The following MAGI2 variants were observed in gnomAD, a reference collection of about 807,000 sequenced individuals.
MAGI2 encodes membrane associated guanylate kinase, WW and PDZ domain containing 2.
Under a neutral mutation model 133.3 loss-of-function variants are expected in MAGI2, and 35 were observed. That is an observed-to-expected ratio of 0.26 (90% CI 0.20 to 0.35). MAGI2 has a LOEUF of 0.35. Among genes scored for constraint, MAGI2 ranks in the 10% least tolerant of loss-of-function variants. MAGI2 has a pLI of 1.00. For synonymous variants in MAGI2, 729 were observed against 710.6 expected (o/e 1.03, Z -0.41); for missense variants, 1,636 against 1,863.4 (o/e 0.88, Z 2.25).
chr7:78,856,484 C>T (rs911236185), intron 2 of MAGI2, among the ~76,000 whole-genome samples: 8 of 152,088 alleles, frequency 5.3e-5, no homozygotes, highest in African/African-American at 1.2e-4. Flanking sequence ...AGCCAGTTTC[C>T]CCAGCACCAT....
At position 78,927,169 on chromosome 7, in the gene MAGI2, A is replaced by T. The variant is rs144669704; in HGVS notation, c.418+79921T>A. 2.6e-3 allele frequency among the ~76,000 whole-genome samples: 388 copies of T among 152,136 alleles called. 3 individuals carry two copies. The highest frequency in any genetic ancestry group is 9.0e-3 in the African/African-American group (375 of 41,558). On this transcript the variant is annotated intron_variant, in intron 2 of 21. Coordinates refer to ENST00000354212, the MANE Select transcript of MAGI2 (RefSeq NM_012301.4). ...ACTGAAGTTGGGCATCAGGAAACCTAGAGTCTGGTGTCTGTCTCCCAGAAA... is the reference window on the plus strand; with the variant it reads ...ACTGAAGTTGGGCATCAGGAAACCTTGAGTCTGGTGTCTGTCTCCCAGAAA...
intron 16 of MAGI2, among the ~76,000 whole-genome samples, chr7:78,147,730 C>A (rs373297734): frequency 6.6e-6 from 1 of 151,696 alleles, no homozygotes; most frequent in Non-Finnish European, 1.5e-5. Flanking sequence ...TAGAGAAAAA[C>A]GCAAACTAAA....
intron 10 of MAGI2, among the ~76,000 whole-genome samples, chr7:78,218,886 C>G (rs1788526737): frequency 6.6e-6 from 1 of 152,226 alleles, no homozygotes; most frequent in Non-Finnish European, 1.5e-5. Flanking sequence ...CCAACAGCGC[C>G]TCTTCACAGC....
At chr7:79,029,729 A>G (rs1810378681) in intron 1 of MAGI2, among the ~76,000 whole-genome samples, 1 of 152,122 alleles carries the variant, frequency 6.6e-6, no homozygotes, top group Non-Finnish European at 1.5e-5. Context: ...CAAAGTTTTA[A>G]AATATTTATT....
chr7:78,074,915 G>A (rs1815111824), intron 21 of MAGI2, among the ~76,000 whole-genome samples: 1 of 152,236 alleles, frequency 6.6e-6, no homozygotes, highest in Non-Finnish European at 1.5e-5. Flanking sequence ...GCAGGCCTGA[G>A]ACTGCTCTCC....
At chr7:79,147,796 G>C (rs749424123) in intron 1 of MAGI2, among the ~76,000 whole-genome samples, 2 of 152,116 alleles carry the variant, frequency 1.3e-5, no homozygotes, top group Admixed American at 6.5e-5. Flanking sequence ...TGCAAAGCAT[G>C]AGGGTGGCAG....
intron 2 of MAGI2, among the ~76,000 whole-genome samples, chr7:78,738,526 T>A (rs1301313002): frequency 6.6e-6 from 1 of 152,174 alleles, no homozygotes; most frequent in Non-Finnish European, 1.5e-5. Context: ...TGCTAACAAA[T>A]CATTAGTCTT....
In MAGI2 at chr7:78,875,650, C is replaced by A. The variant is rs141118050; in HGVS notation, c.418+131440G>T. 2.3e-3 allele frequency among the ~76,000 whole-genome samples: 351 copies of A among 152,190 alleles called. 6 individuals are homozygous for A. The East Asian group carries it at 0.045, about 20-fold the overall frequency. ...AATGACAAAACAGCACATATTGCCA[C>A]TATATTATATAAAATGACCAATTTC... On this transcript the variant is annotated intron_variant, in intron 2 of 21. Transcript: ENST00000354212.
intron 5 of MAGI2, among the ~76,000 whole-genome samples, chr7:78,491,390 G>A (rs1453065921): frequency 2.6e-5 from 4 of 152,060 alleles, no homozygotes; most frequent in Admixed American, 2.0e-4. Flanking sequence ...CGACCCTTGG[G>A]TCATGAAGTT....
At chr7:78,057,977 G>GTATGTATATATATA (rs1812776156) in intron 21 of MAGI2, among the ~76,000 whole-genome samples, 2 of 106,610 alleles carry the variant, frequency 1.9e-5, no homozygotes, top group African/African-American at 6.7e-5. Flanking sequence ...ATATATATGT[G>GTATGTATATATATA]TATATATATA....
intron 6 of MAGI2, among the ~76,000 whole-genome samples, chr7:78,435,679 G>A (rs6943666): frequency 0.025 from 3,836 of 152,142 alleles, 62 homozygotes; most frequent in South Asian, 0.074. Context: ...AGAGAATCCC[G>A]AGAAAGGCTC....
chr7:78,563,659 A>C (rs1415461086), intron 3 of MAGI2, among the ~76,000 whole-genome samples: 1 of 152,210 alleles, frequency 6.6e-6, no homozygotes, highest in African/African-American at 2.4e-5. Flanking sequence ...GCTATGATAA[A>C]TTCTGTTGGT....
chr7:78,893,707 A>C (rs1432100294), intron 2 of MAGI2, among the ~76,000 whole-genome samples: 1 of 151,994 alleles, frequency 6.6e-6, no homozygotes, highest in African/African-American at 2.4e-5. Flanking sequence ...AGGAAGGGGA[A>C]CATCACACCG....
intron 2 of MAGI2, among the ~76,000 whole-genome samples, chr7:78,696,944 T>C: frequency 6.6e-6 from 1 of 151,764 alleles, no homozygotes; most frequent in South Asian, 2.1e-4. Context: ...GCCTTTATTT[T>C]ACCACACTGC....
intron 2 of MAGI2, among the ~76,000 whole-genome samples, chr7:78,643,022 A>G (rs988252112): frequency 6.6e-6 from 1 of 152,232 alleles, no homozygotes; most frequent in African/African-American, 2.4e-5. Flanking sequence ...CTGCCAGGAA[A>G]GAATAATGAA....
At chr7:78,368,831 C>A (rs990168745) in intron 7 of MAGI2, among the ~76,000 whole-genome samples, 1 of 152,134 alleles carries the variant, frequency 6.6e-6, no homozygotes, top group Non-Finnish European at 1.5e-5. Flanking sequence ...ATCTCATTTG[C>A]ACAACCAGTC....
intron 1 of MAGI2, among the ~76,000 whole-genome samples, chr7:79,360,942 G>C (rs848904): frequency 0.5 from 75,929 of 151,834 alleles, 20,415 homozygotes; most frequent in African/African-American, 0.7. Flanking sequence ...GATAAACAAA[G>C]AAAAATCAAC....
intron 6 of MAGI2, among the ~76,000 whole-genome samples, chr7:78,480,659 G>T (rs1181137506): frequency 1.3e-5 from 2 of 151,828 alleles, no homozygotes; most frequent in Non-Finnish European, 2.9e-5. Flanking sequence ...GTTGAAAATA[G>T]TCTATGTAGA....
intron 2 of MAGI2, among the ~76,000 whole-genome samples, chr7:78,703,069 G>C (rs190863574): frequency 4.1e-4 from 62 of 151,990 alleles, no homozygotes; most frequent in African/African-American, 1.2e-3. Context: ...GACTGAAAAG[G>C]CATGGCCAAA....
Sources: gnomAD v4.1 joint callset for allele counts (sites outside exome capture counted in the v4.1 genomes callset) on GRCh38, gnomAD v4.1.1 for gene constraint, MANE v1.5 for transcripts, NCBI Gene and HGNC (gene_info 2026-07-23, HGNC 2026-07-21) for gene names.